The following ATP8A2 variants were observed in gnomAD, a reference collection of about 807,000 sequenced individuals.
ATP8A2 encodes ATPase phospholipid transporting 8A2.
Under a neutral mutation model 165.6 loss-of-function variants are expected in ATP8A2, and 100 were observed. The observed-to-expected ratio is 0.60, with a 90% CI of 0.51 to 0.71. The LOEUF (loss-of-function observed/expected upper bound fraction) is 0.71. Among genes scored for constraint, ATP8A2 ranks in the 30% least tolerant of loss-of-function variants. ATP8A2 has a pLI of 0.00. For synonymous variants in ATP8A2, 543 were observed against 548.8 expected, an observed-to-expected ratio of 0.99 and a Z score of 0.15; for missense variants, 1,227 against 1,479.5, an observed-to-expected ratio of 0.83 and a Z score of 2.80.
chr13:25,887,934 C>G (rs918531005), intron 33 of ATP8A2, among the ~76,000 whole-genome samples: 7 of 152,066 alleles, frequency 4.6e-5, no homozygotes, highest in African/African-American at 1.7e-4. Context: ...GCTGCTTATC[C>G]AATGAATAAT....
At chr13:25,438,669 TAAGAA>T (rs1014215816) in intron 1 of ATP8A2, among the ~76,000 whole-genome samples, 7 of 151,546 alleles carry the variant, frequency 4.6e-5, no homozygotes, top group African/African-American at 1.7e-4. Context: ...AAGAGAGAGA[TAAGAA>T]AAGAAGAAAA....
At chr13:25,434,615 C>G (rs1037975912) in intron 1 of ATP8A2, among the ~76,000 whole-genome samples, 4 of 152,180 alleles carry the variant, frequency 2.6e-5, no homozygotes, top group African/African-American at 9.7e-5. Flanking sequence ...TTCCAAAGTG[C>G]TGGGATTACA....
chr13:25,536,193 C>T (rs1025295234), intron 6 of ATP8A2, among the ~76,000 whole-genome samples: 1 of 152,074 alleles, frequency 6.6e-6, no homozygotes, highest in African/African-American at 2.4e-5. Context: ...CTCACTGCAA[C>T]CTCTGCCTCC....
chr13:25,589,838 A>G (rs1210388684), intron 24 of ATP8A2, 139 bp downstream of exon 24: 4 of 551,542 alleles, frequency 7.3e-6, no homozygotes, highest in African/African-American at 3.8e-5. Context: ...GTTTATATTT[A>G]TATTTAAGAA....
intron 24 of ATP8A2, among the ~76,000 whole-genome samples, chr13:25,654,877 G>T (rs1357798943): frequency 6.6e-6 from 1 of 152,102 alleles, no homozygotes; most frequent in Non-Finnish European, 1.5e-5. Context: ...ACTTATAGGT[G>T]CTCTCTTTGG....
At chr13:25,384,410 A>C (rs9511775) in intron 1 of ATP8A2, among the ~76,000 whole-genome samples, 1 of 152,068 alleles carries the variant, frequency 6.6e-6, no homozygotes, top group Non-Finnish European at 1.5e-5. Flanking sequence ...GTGGCCTTCC[A>C]TGCATTCTCC....
chr13:25,995,198 G>A (rs564390810), intron 35 of ATP8A2, among the ~76,000 whole-genome samples: 3 of 151,518 alleles, frequency 2.0e-5, no homozygotes, highest in African/African-American at 7.2e-5. Flanking sequence ...TATTGGTAAT[G>A]TGTGTCTTCT....
chr13:25,739,810 A>G (rs891630284), intron 25 of ATP8A2, among the ~76,000 whole-genome samples: 1 of 152,240 alleles, frequency 6.6e-6, no homozygotes, highest in African/African-American at 2.4e-5. Flanking sequence ...GATTAAAAGT[A>G]TAGGCAGGAA....
At chr13:25,814,298 G>T (rs1314883912) in intron 27 of ATP8A2, among the ~76,000 whole-genome samples, 1 of 151,930 alleles carries the variant, frequency 6.6e-6, no homozygotes, top group Non-Finnish European at 1.5e-5. Flanking sequence ...AAAAATTTTA[G>T]ATGTTACCTA....
chr13:25,984,430 C>A (rs1956232578), intron 35 of ATP8A2, among the ~76,000 whole-genome samples: 1 of 150,990 alleles, frequency 6.6e-6, no homozygotes, highest in Non-Finnish European at 1.5e-5. Context: ...GTGGTGAAAC[C>A]CCACCTCTAC....
At chr13:25,445,198 T>C (rs1001965784) in intron 1 of ATP8A2, among the ~76,000 whole-genome samples, 1 of 152,262 alleles carries the variant, frequency 6.6e-6, no homozygotes, top group African/African-American at 2.4e-5. Flanking sequence ...TCTTTATTGC[T>C]TTTGCATTGT....
At chr13:25,616,412 A>G (rs1593657458) in intron 24 of ATP8A2, among the ~76,000 whole-genome samples, 2 of 144,230 alleles carry the variant, frequency 1.4e-5, no homozygotes, top group South Asian at 4.4e-4. Context: ...GCTCACTGCA[A>G]CCTCCGCCTC....
At chr13:25,506,677 GA>G (rs2037047168) in intron 2 of ATP8A2, among the ~76,000 whole-genome samples, 1 of 152,178 alleles carries the variant, frequency 6.6e-6, no homozygotes, top group African/African-American at 2.4e-5. Flanking sequence ...TGGATCTGAA[GA>G]GGAGCAGCAT....
At chr13:25,978,547 A>G (rs1182935649) in intron 35 of ATP8A2, among the ~76,000 whole-genome samples, 1 of 152,012 alleles carries the variant, frequency 6.6e-6, no homozygotes, top group Non-Finnish European at 1.5e-5. Flanking sequence ...AGAAGTGTAG[A>G]CTCCCAGGCC....
At chr13:25,618,889 T>C (rs769054307) in intron 24 of ATP8A2, among the ~76,000 whole-genome samples, 19 of 152,222 alleles carry the variant, frequency 1.2e-4, no homozygotes, top group Admixed American at 6.5e-4. Flanking sequence ...CTTCTTAGCA[T>C]TGAAATGAAA....
intron 27 of ATP8A2, among the ~76,000 whole-genome samples, chr13:25,825,823 G>C (rs981245419): frequency 2.0e-5 from 3 of 152,082 alleles, no homozygotes; most frequent in Admixed American, 2.0e-4. Flanking sequence ...ATGAATCTCT[G>C]GTTCTTAGTT....
chr13:25,868,128 T>A (rs1337611307), intron 33 of ATP8A2: 2 of 456,454 alleles, frequency 4.4e-6, no homozygotes, highest in Non-Finnish European at 8.8e-6. Context: ...TTCCCTTAGC[T>A]TCCTCAGCCA....
At chr13:25,626,553 C>T (rs1283270394) in intron 24 of ATP8A2, among the ~76,000 whole-genome samples, 1 of 152,106 alleles carries the variant, frequency 6.6e-6, no homozygotes, top group Non-Finnish European at 1.5e-5. Context: ...AACATATTTA[C>T]ATGATAGAAG....
intron 1 of ATP8A2, among the ~76,000 whole-genome samples, chr13:25,454,737 C>T (rs1310792914): frequency 1.3e-5 from 2 of 152,138 alleles, no homozygotes; most frequent in African/African-American, 2.4e-5. Context: ...GCCTGACCAA[C>T]GTGGTGAAAC....
Sources: allele counts gnomAD v4.1 joint callset (sites outside exome capture counted in the v4.1 genomes callset), GRCh38; gene constraint gnomAD v4.1.1; transcripts MANE v1.5; gene names NCBI Gene and HGNC (gene_info 2026-07-23, HGNC 2026-07-21).